FXR1: variants seen among roughly 807,000 people sequenced by gnomAD.
FXR1 encodes the protein FMR1 autosomal homolog 1, also known as RNA-binding protein FXR1.
A neutral mutation model predicts 84.0 loss-of-function variants in FXR1; 15 were observed. That is an observed-to-expected ratio of 0.18 (90% CI 0.12 to 0.27). The LOEUF (loss-of-function observed/expected upper bound fraction) is 0.27, where lower values mean the gene tolerates loss of function less well. FXR1 is among the 10% of genes least tolerant of loss of function. The pLI is 1.00. For synonymous variants in FXR1, 245 were observed against 250.7 expected, an observed-to-expected ratio of 0.98 and a Z score of 0.21; for missense variants, 480 against 774.4, an observed-to-expected ratio of 0.62 and a Z score of 4.51.
intron 8 of FXR1, among the ~76,000 whole-genome samples, chr3:180,952,713 A>G (rs922981573): frequency 2.0e-5 from 3 of 152,080 alleles, no homozygotes; most frequent in Non-Finnish European, 2.9e-5. Flanking sequence ...TTACCTTAAT[A>G]CAGTTCTTAA....
At chr3:180,914,155 A>G (rs1362386801) in intron 1 of FXR1, among the ~76,000 whole-genome samples, 1 of 152,190 alleles carries the variant, frequency 6.6e-6, no homozygotes, top group Non-Finnish European at 1.5e-5. Context: ...GTGAGTAGTT[A>G]ACATTGACGT....
intron 1 of FXR1, chr3:180,915,395 T>C: frequency 1.4e-6 from 1 of 713,846 alleles, no homozygotes; most frequent in Non-Finnish European, 2.3e-6. Context: ...TAGTTTTTCT[T>C]ATTCAGAACG....
intron 1 of FXR1, chr3:180,914,841 A>G (rs892811202): frequency 1.9e-5 from 19 of 984,918 alleles, no homozygotes; most frequent in Middle Eastern, 5.2e-4. Flanking sequence ...TGTGCACTGA[A>G]ATCATGTACG....
chr3:180,947,634 G>C (rs528114195), intron 3 of FXR1, among the ~76,000 whole-genome samples: 57 of 152,242 alleles, frequency 3.7e-4, no homozygotes, highest in Admixed American at 1.2e-3. Context: ...TAAACCTCAT[G>C]AATATGGAAT....
At position 180,979,108 on chromosome 3, in the gene FXR1, A is replaced by G. The variant is rs558033574; in HGVS notation, c.*2816A>G. The stretch of plus-strand genomic sequence containing the variant: ...CCATTGCTGTTGTGCTAAGTCACGT[A>G]TTTTTGTAGCTGCTGTTAGCTGTGT... On this transcript the variant is annotated 3_prime_UTR_variant, in exon 17 of 17. Transcript: ENST00000357559. 6.6e-6 allele frequency: 1 copy of G among 152,250 alleles called. No individual in the cohort carries two copies. The highest frequency in any genetic ancestry group is 1.5e-5 in the Non-Finnish European group (1 of 67,990). 9.4% of individuals were successfully genotyped at this position (152,250 alleles called of 1,614,324 possible). A position where few individuals can be genotyped will look rare whatever the true frequency, so the allele number is the denominator to read the frequency against.
chr3:180,969,987 A>T (rs1713329342), intron 14 of FXR1, among the ~76,000 whole-genome samples, 171 bp from the exon 15 acceptor site: 2 of 152,166 alleles, frequency 1.3e-5, no homozygotes, highest in South Asian at 4.1e-4. Context: ...ATATTTAATT[A>T]TCTTTGTTAT....
chr3:180,929,483 G>T (rs1719630692), intron 1 of FXR1, among the ~76,000 whole-genome samples: 1 of 152,224 alleles, frequency 6.6e-6, no homozygotes, highest in Non-Finnish European at 1.5e-5. Context: ...GTTTGCATAT[G>T]TATGGGAAGA....
chr3:180,926,506 A>ATATATATATATTTT (rs72192827), intron 1 of FXR1, among the ~76,000 whole-genome samples: 7 of 124,382 alleles, frequency 5.6e-5, no homozygotes, highest in African/African-American at 1.7e-4. Context: ...ATATATATAT[A>ATATATATATATTTT]TTTTTTTTTC....
chr3:180,939,876 GAGCTTTATTA>G (rs1720936595), intron 3 of FXR1, among the ~76,000 whole-genome samples: 1 of 152,194 alleles, frequency 6.6e-6, no homozygotes, highest in Non-Finnish European at 1.5e-5. Flanking sequence ...ATCCAAGAGA[GAGCTTTATTA>G]AGCTTGTAAG....
At chr3:180,969,139 G>A (rs1188944519) in intron 14 of FXR1, among the ~76,000 whole-genome samples, 5 of 148,800 alleles carry the variant, frequency 3.4e-5, no homozygotes, top group South Asian at 2.2e-4. Flanking sequence ...TTCTTTGTTT[G>A]TTTAGATTTT....
In FXR1 at chr3:180,976,135, T is replaced by C. The variant is rs754740682; in HGVS notation, c.1709T>C (p.Ile570Thr). ...KNKKEMAKDV[I>T]EEHGPSEKAI... is the part of the protein sequence containing the mutation. ...TCCCTTTGGCAGGCAAAAGATGTGA[T>C]TGAAGAGCATGGTCCTTCAGAAAAG... The change falls in exon 17 of 17, where the codon ATT becomes ACT. Residue 570 changes from isoleucine (I) to threonine (T), a missense_variant. Coordinates refer to ENST00000357559, the MANE Select transcript of FXR1 (RefSeq NM_005087.4). 6 of 1,607,424 alleles carry C rather than the reference T, an allele frequency of 3.7e-6. No individual in the cohort carries two copies. The highest frequency in any genetic ancestry group is 5.1e-6 in the Non-Finnish European group (6 of 1,177,948).
At chr3:180,960,239 A>G (rs754101065) in intron 10 of FXR1, among the ~76,000 whole-genome samples, 9 of 152,218 alleles carry the variant, frequency 5.9e-5, no homozygotes, top group Non-Finnish European at 1.0e-4. Flanking sequence ...ACGTATCTTA[A>G]TAATTCCTTT....
chr3:180,955,241 C>T (rs1008360747), intron 9 of FXR1, among the ~76,000 whole-genome samples: 2 of 151,962 alleles, frequency 1.3e-5, no homozygotes, highest in East Asian at 1.9e-4. Context: ...TCTTGTGATC[C>T]GCCCACCTCG....
intron 1 of FXR1, among the ~76,000 whole-genome samples, chr3:180,926,499 TATA>T (rs371275471): frequency 0.1 from 10,411 of 101,360 alleles, 475 homozygotes; most frequent in South Asian, 0.14. Flanking sequence ...TATATATATA[TATA>T]TATATTTTTT....
At chr3:180,953,642 T>A (rs1271836360) in intron 8 of FXR1, 120 bp from the exon 9 acceptor site, 1 of 602,024 alleles carries the variant, frequency 1.7e-6, no homozygotes, top group Non-Finnish European at 3.0e-6. Context: ...GGAATGAGCA[T>A]AATCTTTTAG....
intron 9 of FXR1, among the ~76,000 whole-genome samples, chr3:180,956,067 A>G (rs1391250624): frequency 6.6e-6 from 1 of 152,220 alleles, no homozygotes; most frequent in Admixed American, 6.5e-5. Context: ...ATAATAGTAC[A>G]TTCTTAGTCC....
chr3:180,921,630 A>G (rs142605516), intron 1 of FXR1, among the ~76,000 whole-genome samples: 263 of 152,308 alleles, frequency 1.7e-3, no homozygotes, highest in African/African-American at 5.8e-3. Flanking sequence ...TAAGCATCTT[A>G]TAAGTTTATA....
Position 180,949,223 on chromosome 3 carries a change from A to C in FXR1, c.514-4A>C, listed in dbSNP as rs770241316. 1.4e-6 allele frequency: 2 copies of C among 1,438,892 alleles called. No individual in the cohort carries two copies. Among genetic ancestry groups the C allele is most frequent in the Non-Finnish European group, 2.0e-6 (2 of 1,020,030 alleles). 89.1% of individuals were successfully genotyped at this position (1,438,892 alleles called of 1,614,324 possible). A position where few individuals can be genotyped will look rare whatever the true frequency, so the allele number is the denominator to read the frequency against. ...TTTTGAGTAATTAGCTTGTTTGTTT[A>C]TAGTCTGCCAGTGAAGCAACTGTGA... On this transcript the variant is annotated splice_region_variant and splice_polypyrimidine_tract_variant and intron_variant, in intron 6 of 16. Transcript: ENST00000357559.
intron 1 of FXR1, among the ~76,000 whole-genome samples, chr3:180,917,913 C>T (rs139277494): frequency 0.01 from 1,495 of 143,462 alleles, 29 homozygotes; most frequent in African/African-American, 0.038. Context: ...TGCCATTGCA[C>T]TCCAGCCTGG....
Sources: allele counts gnomAD v4.1 joint callset (sites outside exome capture counted in the v4.1 genomes callset), GRCh38; gene constraint gnomAD v4.1.1; transcripts MANE v1.5; gene names NCBI Gene and HGNC (gene_info 2026-07-23, HGNC 2026-07-21).